Variants in RPS6KC1 observed in about 807,000 individuals in gnomAD.
The protein encoded by RPS6KC1 is inactive ribosomal protein S6 kinase delta-1.
A neutral mutation model predicts 103.8 loss-of-function variants in RPS6KC1; 54 were observed. The ratio of observed to expected loss-of-function variants is 0.52; its 90% CI spans 0.42 to 0.65. The LOEUF is 0.65. Ranked by LOEUF, RPS6KC1 falls within the 30% of genes least tolerant of loss-of-function variation. RPS6KC1 has a pLI of 0.00. For synonymous variants in RPS6KC1, 439 were observed against 438.7 expected (o/e 1.00, Z -0.01); for missense variants, 1,151 against 1,253.8 (o/e 0.92, Z 1.24).
chr1:213,340,740 C>A, the RPS6KC1 span, among the ~76,000 whole-genome samples: 1 of 152,262 alleles, frequency 6.6e-6, no homozygotes, highest in East Asian at 1.9e-4. Flanking sequence ...TGGTTGGGAA[C>A]AATGACCTTT....
At chr1:213,242,765 G>C in intron 12 of RPS6KC1, 107 bp downstream of exon 12, 1 of 848,882 alleles carries the variant, frequency 1.2e-6, no homozygotes, top group Non-Finnish European at 1.8e-6. Context: ...TTACATATGT[G>C]TTGGATTTGG....
chr1:213,289,384 T>C, the RPS6KC1 span, among the ~76,000 whole-genome samples: 2 of 152,158 alleles, frequency 1.3e-5, no homozygotes, highest in Non-Finnish European at 2.9e-5. Context: ...TCCACGACTT[T>C]TTGGTTTAAT....
chr1:213,077,821 G>A lies in RPS6KC1; in HGVS notation c.262+5G>A, dbSNP rs1256795322. ...TTGCTAAAGGAATAGTGTTTGGTAAGTGATTATTTTGAAATTGTAATTTAA... is the reference window on the plus strand; with the variant it reads ...TTGCTAAAGGAATAGTGTTTGGTAAATGATTATTTTGAAATTGTAATTTAA... On this transcript the variant is annotated splice_donor_5th_base_variant and intron_variant, in intron 3 of 14. Transcript: ENST00000366960. 4.0e-6 allele frequency: 6 copies of A among 1,504,280 alleles called. No homozygotes were observed. The highest frequency in any genetic ancestry group is 5.4e-6 in the Non-Finnish European group (6 of 1,120,118). The allele number at this position is 1,504,280 out of a possible 1,614,324, so 93.2% of individuals were successfully genotyped here.
the RPS6KC1 span, among the ~76,000 whole-genome samples, chr1:213,289,251 C>A: frequency 4.7e-5 from 1 of 21,146 alleles, no homozygotes; most frequent in South Asian, 2.6e-3. Flanking sequence ...GAGTTGGATG[C>A]TCAAAAAAAA....
intron 6 of RPS6KC1, among the ~76,000 whole-genome samples, chr1:213,133,005 G>A (rs1249197494): frequency 2.0e-5 from 3 of 152,156 alleles, no homozygotes; most frequent in Admixed American, 2.0e-4. Flanking sequence ...AATAGCAACA[G>A]CTCTCTTTGC....
chr1:213,361,712 T>C, the RPS6KC1 span, among the ~76,000 whole-genome samples: 1 of 152,220 alleles, frequency 6.6e-6, no homozygotes, highest in Non-Finnish European at 1.5e-5. Context: ...TATTGCTCAC[T>C]CGGCCACATA....
intron 8 of RPS6KC1, among the ~76,000 whole-genome samples, chr1:213,227,778 T>C (rs1262790940): frequency 6.6e-6 from 1 of 152,240 alleles, no homozygotes; most frequent in Non-Finnish European, 1.5e-5. Context: ...TTTCATGCTT[T>C]GAATATGATT....
At chr1:213,419,393 G>A in the RPS6KC1 span, among the ~76,000 whole-genome samples, 2 of 152,172 alleles carry the variant, frequency 1.3e-5, no homozygotes, top group Admixed American at 6.5e-5. Context: ...CATTGATTGA[G>A]CACTTACTAT....
intron 12 of RPS6KC1, among the ~76,000 whole-genome samples, chr1:213,245,202 A>G (rs1016649413): frequency 9.8e-5 from 15 of 152,304 alleles, no homozygotes; most frequent in Admixed American, 2.0e-4. Flanking sequence ...TGATAAATCA[A>G]AACTACAGAT....
chr1:213,656,379 G>C, the RPS6KC1 span, among the ~76,000 whole-genome samples: 2 of 152,332 alleles, frequency 1.3e-5, no homozygotes, highest in East Asian at 3.9e-4. Flanking sequence ...GTAGAAAGAG[G>C]TGCCTAAAAC....
chr1:213,810,437 G>A, the RPS6KC1 span, among the ~76,000 whole-genome samples: 1 of 152,130 alleles, frequency 6.6e-6, no homozygotes, highest in African/African-American at 2.4e-5. Flanking sequence ...AATGGTCCCT[G>A]GGTTAAGACA....
chr1:213,261,137 G>A (rs968460919), intron 12 of RPS6KC1, among the ~76,000 whole-genome samples: 1 of 112,248 alleles, frequency 8.9e-6, no homozygotes. Flanking sequence ...CAAGTAAAAG[G>A]ATGATTAATA....
the RPS6KC1 span, among the ~76,000 whole-genome samples, chr1:213,848,653 C>A: frequency 6.6e-6 from 1 of 152,058 alleles, no homozygotes; most frequent in African/African-American, 2.4e-5. Flanking sequence ...ATATTTCTAA[C>A]CTGCAGAGGT....
the RPS6KC1 span, among the ~76,000 whole-genome samples, chr1:213,832,962 T>C: frequency 6.6e-6 from 1 of 151,898 alleles, no homozygotes; most frequent in South Asian, 2.1e-4. Flanking sequence ...TAATGAGAAG[T>C]ATGAAAGTCC....
the RPS6KC1 span, among the ~76,000 whole-genome samples, chr1:213,826,577 A>C: frequency 0.031 from 4,710 of 152,286 alleles, 128 homozygotes; most frequent in East Asian, 0.09. Flanking sequence ...TTTACAAATT[A>C]TTAATACTAA....
chr1:213,269,690 T>C (rs1255656209), intron 14 of RPS6KC1, among the ~76,000 whole-genome samples: 3 of 151,990 alleles, frequency 2.0e-5, no homozygotes, highest in African/African-American at 2.4e-5. Flanking sequence ...TACTTCTAAG[T>C]TTAAATGCCT....
chr1:213,505,274 G>T, the RPS6KC1 span, among the ~76,000 whole-genome samples: 1 of 152,252 alleles, frequency 6.6e-6, no homozygotes, highest in East Asian at 1.9e-4. Flanking sequence ...GGCAGAGGGA[G>T]GTGGGTAGGT....
chr1:213,344,159 A>G, the RPS6KC1 span, among the ~76,000 whole-genome samples: 7 of 152,178 alleles, frequency 4.6e-5, no homozygotes, highest in Non-Finnish European at 8.8e-5. Context: ...ACAAAACCCA[A>G]TTGCTAGAGA....
intron 7 of RPS6KC1, among the ~76,000 whole-genome samples, chr1:213,173,086 A>C (rs894091461): frequency 4.4e-4 from 67 of 152,348 alleles, no homozygotes; most frequent in Middle Eastern, 3.4e-3. Context: ...CATCTAAAAA[A>C]AAAAGTTGGA....
Sources: gnomAD v4.1 joint callset for allele counts (sites outside exome capture counted in the v4.1 genomes callset) on GRCh38, gnomAD v4.1.1 for gene constraint, MANE v1.5 for transcripts, NCBI Gene and HGNC (gene_info 2026-07-23, HGNC 2026-07-21) for gene names.